Variants in PDE4D observed in about 807,000 individuals in gnomAD.
The protein encoded by PDE4D is 3',5'-cyclic-AMP phosphodiesterase 4D.
In PDE4D, 24 loss-of-function variants were observed where a neutral mutation model predicts 87.4. That is an observed-to-expected ratio of 0.27 (90% confidence interval 0.20 to 0.39). The LOEUF is 0.39. PDE4D is among the 10% of genes least tolerant of loss of function. The pLI, the probability that PDE4D is intolerant of heterozygous loss-of-function variation, is 1.00. For missense variants in PDE4D, 714 were observed against 1,041.0 expected, an observed-to-expected ratio of 0.69 and a Z score of 4.32; for synonymous variants, 384 against 383.2, an observed-to-expected ratio of 1.00 and a Z score of -0.02.
intron 1 of PDE4D, among the ~76,000 whole-genome samples, chr5:60,304,848 T>C (rs902678787): frequency 1.3e-5 from 2 of 151,906 alleles, no homozygotes; most frequent in Non-Finnish European, 2.9e-5. Context: ...AAAATGGTAA[T>C]TGAAATGGCA....
In PDE4D at chr5:59,794,180, C is replaced by G. The variant is rs202196266; in HGVS notation, c.455+98988G>C. Among the ~76,000 whole-genome samples the G allele has an allele frequency of 1.2e-3, 159 of 137,572 alleles. 3 individuals are homozygous for G. In the East Asian group the frequency reaches 0.03, roughly 26 times the overall value. 90.3% of individuals were successfully genotyped at this position (137,572 alleles called of 152,430 possible). On this transcript the variant is annotated intron_variant, in intron 1 of 14. Coordinates refer to ENST00000340635, the MANE Select transcript of PDE4D (RefSeq NM_001104631.2). The stretch of plus-strand genomic sequence containing the variant: ...ACACACACACACACACACACACACA[C>G]AGACAACTCTAGCTATCTCTGAGGT...
In PDE4D at chr5:59,900,259, T is replaced by C. The variant is rs987661738; in HGVS notation, c.272+88229A>G. Among the ~76,000 whole-genome samples, 11 of 120,598 alleles carry C rather than the reference T, an allele frequency of 9.1e-5. No individual in the cohort carries two copies. In the South Asian group the frequency reaches 1.1e-3, roughly 12 times the overall value. 79.1% of individuals were successfully genotyped at this position (120,598 alleles called of 152,430 possible). A position where few individuals can be genotyped will look rare whatever the true frequency, so the allele number is the denominator to read the frequency against. ...CATATCAAAAAAAAATATATATATA[T>C]ATATACACACACACACACACACACA... On this transcript the variant is annotated intron_variant, in intron 3 of 16. Coordinates refer to the PDE4D transcript ENST00000502484.
intron 1 of PDE4D, among the ~76,000 whole-genome samples, chr5:59,651,191 G>A (rs1490616942): frequency 6.6e-6 from 1 of 150,968 alleles, no homozygotes; most frequent in Non-Finnish European, 1.5e-5. Context: ...AGGAGGCGGA[G>A]CTTGCAGTGA....
chr5:59,751,574 GGTGTGTGTGTGTGT>G (rs57407769), intron 1 of PDE4D, among the ~76,000 whole-genome samples: 17 of 142,738 alleles, frequency 1.2e-4, no homozygotes, highest in African/African-American at 4.0e-4. Context: ...ATAAATCCCT[GGTGTGTGTGTGTGT>G]GTGTGTGTGT....
At chr5:60,510,723 G>A (rs990088054) in intron 1 of PDE4D, among the ~76,000 whole-genome samples, 1 of 152,122 alleles carries the variant, frequency 6.6e-6, no homozygotes, top group African/African-American at 2.4e-5. Flanking sequence ...GAATGATGAT[G>A]GCATGATTTT....
At chr5:60,024,736 G>A (rs1766441472) in intron 2 of PDE4D, among the ~76,000 whole-genome samples, 1 of 152,060 alleles carries the variant, frequency 6.6e-6, no homozygotes, top group South Asian at 2.1e-4. Context: ...TACAAAATGA[G>A]CCTTATTTAG....
chr5:59,912,606 C>A (rs1469803168), intron 3 of PDE4D, among the ~76,000 whole-genome samples: 1 of 152,094 alleles, frequency 6.6e-6, no homozygotes, highest in Non-Finnish European at 1.5e-5. Flanking sequence ...GGTGGAAAGT[C>A]TGTATTTGTT....
chr5:59,688,542 C>T (rs944529095), intron 1 of PDE4D, among the ~76,000 whole-genome samples: 1 of 152,136 alleles, frequency 6.6e-6, no homozygotes, highest in African/African-American at 2.4e-5. Flanking sequence ...ACACAACATA[C>T]CAGAATCTCT....
chr5:59,052,829 A>G (rs998993033), intron 5 of PDE4D, among the ~76,000 whole-genome samples: 1 of 152,160 alleles, frequency 6.6e-6, no homozygotes, highest in Admixed American at 6.5e-5. Flanking sequence ...TCATATATTC[A>G]TATCTCTATC....
chr5:60,313,954 C>A lies in PDE4D; in HGVS notation c.-89-128267G>T, dbSNP rs533858176. On this transcript the variant is annotated intron_variant, in intron 1 of 16. Coordinates refer to the PDE4D transcript ENST00000502484. The stretch of plus-strand genomic sequence containing the variant: ...AAGGAACAAACTTCAAAATAACAAC[C>A]ATCTATAACAAACCCACAGCCAACA... Among the ~76,000 whole-genome samples the A allele has an allele frequency of 2.6e-5, 4 of 152,062 alleles. No homozygotes were observed. The South Asian group carries it at 8.3e-4, about 32-fold the overall frequency.
intron 1 of PDE4D, among the ~76,000 whole-genome samples, chr5:60,345,288 G>A (rs1040445356): frequency 1.3e-5 from 2 of 151,866 alleles, no homozygotes; most frequent in African/African-American, 4.8e-5. Context: ...ACACACTGGG[G>A]CCTGTCGTGG....
At chr5:60,326,766 G>GT (rs1192178533) in intron 1 of PDE4D, among the ~76,000 whole-genome samples, 1 of 152,008 alleles carries the variant, frequency 6.6e-6, no homozygotes, top group Non-Finnish European at 1.5e-5. Context: ...ATATTATATT[G>GT]TTTTACCATC....
intron 2 of PDE4D, among the ~76,000 whole-genome samples, chr5:60,124,641 T>G (rs193044271): frequency 6.6e-6 from 1 of 152,176 alleles, no homozygotes; most frequent in Admixed American, 6.5e-5. Context: ...CCCATTTACA[T>G]AGCAACCTGC....
Position 59,410,529 on chromosome 5 carries a change from G to A in PDE4D, c.456-194561C>T, listed in dbSNP as rs547169215. Among the ~76,000 whole-genome samples the A allele has an allele frequency of 5.9e-5, 9 of 152,268 alleles. 1 individual carries two copies. The South Asian group carries it at 1.9e-3, about 32-fold the overall frequency. ...CCCAAAGTGCTAGGATTGCAGGCGT[G>A]AGCCCCTGAACCTGGCAAGTTCAAG... On this transcript the variant is annotated intron_variant, in intron 1 of 14. Transcript: ENST00000340635.
At chr5:60,458,979 T>TTG (rs56310406) in intron 1 of PDE4D, among the ~76,000 whole-genome samples, 20,905 of 148,612 alleles carry the variant, frequency 0.14, 2,643 homozygotes, top group African/African-American at 0.34. Context: ...TGGTATAAGT[T>TTG]TGTGTGTGTG....
intron 1 of PDE4D, among the ~76,000 whole-genome samples, chr5:59,872,438 G>C (rs1747967022): frequency 6.6e-6 from 1 of 152,110 alleles, no homozygotes; most frequent in Non-Finnish European, 1.5e-5. Context: ...CTTGGATATA[G>C]TCAAATCATT....
At position 59,659,777 on chromosome 5, in the gene PDE4D, T is replaced by A. The variant is rs146742065; in HGVS notation, c.455+233391A>T. Among the ~76,000 whole-genome samples, 160 of 152,314 alleles carry A rather than the reference T, an allele frequency of 1.1e-3. 1 individual carries two copies. The highest frequency in any genetic ancestry group is 3.7e-3 in the African/African-American group (154 of 41,572). Reference sequence around the variant, plus strand: ...TCCTTCTGCTACAGTGTGCACGAAATGGTCTGAACCACACCACACATCCTT... The same window carrying A: ...TCCTTCTGCTACAGTGTGCACGAAAAGGTCTGAACCACACCACACATCCTT... On this transcript the variant is annotated intron_variant, in intron 1 of 14. Coordinates refer to ENST00000340635, the MANE Select transcript of PDE4D (RefSeq NM_001104631.2).
At chr5:59,907,393 C>T (rs1752959549) in intron 3 of PDE4D, among the ~76,000 whole-genome samples, 1 of 151,834 alleles carries the variant, frequency 6.6e-6, no homozygotes, top group South Asian at 2.1e-4. Context: ...AACTCGTGGA[C>T]ACAAAGAAAG....
intron 1 of PDE4D, among the ~76,000 whole-genome samples, chr5:60,244,109 C>G (rs1355310605): frequency 6.6e-6 from 1 of 151,854 alleles, no homozygotes; most frequent in Admixed American, 6.6e-5. Context: ...AGTAAATTTA[C>G]AGGATACAAA....
Sources: allele counts gnomAD v4.1 joint callset (sites outside exome capture counted in the v4.1 genomes callset), GRCh38; gene constraint gnomAD v4.1.1; transcripts MANE v1.5; gene names NCBI Gene and HGNC (gene_info 2026-07-23, HGNC 2026-07-21).